WIPF1: variants seen among roughly 807,000 people sequenced by gnomAD.
WIPF1 encodes WAS/WASL interacting protein family member 1.
In WIPF1, 13 loss-of-function variants were observed where a neutral mutation model predicts 35.4. That is an observed-to-expected ratio of 0.37 (90% confidence interval 0.24 to 0.58). The LOEUF is 0.58. Ranked by LOEUF, WIPF1 falls within the 20% of genes least tolerant of loss-of-function variation. The pLI is 0.74. For synonymous variants in WIPF1, 267 were observed against 266.3 expected (o/e 1.00, Z -0.02); for missense variants, 591 against 667.0 (o/e 0.89, Z 1.25).
At chr2:174,639,717 G>A (rs1407028909) in intron 1 of WIPF1, among the ~76,000 whole-genome samples, 1 of 152,140 alleles carries the variant, frequency 6.6e-6, no homozygotes, top group African/African-American at 2.4e-5. Context: ...TTAGCTTGAT[G>A]TATTCCCATT....
At chr2:174,630,787 T>G (rs1389018117) in intron 1 of WIPF1, 1 of 152,194 alleles carries the variant, frequency 6.6e-6, no homozygotes, top group African/African-American at 2.4e-5. Context: ...CAGCACTGTG[T>G]CAGGCCGTCT....
At chr2:174,581,460 C>A in intron 2 of WIPF1, 21 bp from the exon 3 acceptor site, 2 of 1,611,506 alleles carry the variant, frequency 1.2e-6, no homozygotes, top group Non-Finnish European at 1.7e-6. Flanking sequence ...GCCATACAAA[C>A]AAGTAGTCAT....
chr2:174,636,961 A>G (rs1435151315), intron 1 of WIPF1, among the ~76,000 whole-genome samples: 1 of 152,120 alleles, frequency 6.6e-6, no homozygotes, highest in Non-Finnish European at 1.5e-5. Flanking sequence ...GCTTCTCCCC[A>G]CCTTTCCATA....
In WIPF1 at chr2:174,562,149, G is replaced by A; in HGVS notation, c.*398C>T. ...GTCTGTGGTTCATAGAAACAGAGAG[G>A]AGGCCAAGCATGCGAAAAAGGAACG... On this transcript the variant is annotated 3_prime_UTR_variant, in exon 8 of 8. Coordinates refer to ENST00000679041, the MANE Select transcript of WIPF1 (RefSeq NM_001375834.1). The A allele has an allele frequency of 1.3e-6, 2 of 1,550,530 alleles. No homozygotes were observed. Among genetic ancestry groups the A allele is most frequent in the Non-Finnish European group, 1.7e-6 (2 of 1,146,992 alleles).
chr2:174,582,823 T>G (rs1315276157), intron 2 of WIPF1, among the ~76,000 whole-genome samples: 1 of 152,234 alleles, frequency 6.6e-6, no homozygotes, highest in Non-Finnish European at 1.5e-5. Flanking sequence ...GGAAGCATCT[T>G]GAAATAACTA....
intron 1 of WIPF1, among the ~76,000 whole-genome samples, chr2:174,673,968 T>C (rs1688075714): frequency 1.3e-5 from 2 of 152,244 alleles, no homozygotes; most frequent in South Asian, 4.1e-4. Context: ...ATTATTATTC[T>C]GGGCTGCACA....
At chr2:174,585,302 C>T (rs1685370596) in intron 2 of WIPF1, among the ~76,000 whole-genome samples, 1 of 152,216 alleles carries the variant, frequency 6.6e-6, no homozygotes, top group South Asian at 2.1e-4. Flanking sequence ...ACATTCCACC[C>T]TTGTACTATC....
intron 1 of WIPF1, among the ~76,000 whole-genome samples, chr2:174,595,109 A>AAT (rs1158052520): frequency 2.4e-3 from 140 of 57,730 alleles, no homozygotes; most frequent in African/African-American, 5.8e-3. Context: ...AAAAAAAAAA[A>AAT]ATATATATAT....
In WIPF1 at chr2:174,571,619, T is replaced by C. The variant is rs1684842268; in HGVS notation, c.1129+57A>G. On this transcript the variant is annotated intron_variant, in intron 5 of 7. Transcript: ENST00000679041. This position sits in a 1 kb window ranked among gnomAD's most constrained non-coding sequence, Gnocchi z 4.6. ...TAGACTATCTTGACTGACAGGATTA[T>C]TGGTACATTTGGGCAGGCTGGGTTT... 2 of 1,607,094 alleles carry C rather than the reference T, an allele frequency of 1.2e-6. No homozygotes were observed. The highest frequency in any genetic ancestry group is 1.7e-6 in the Non-Finnish European group (2 of 1,173,836).
chr2:174,638,523 T>C (rs1356947702), intron 1 of WIPF1, among the ~76,000 whole-genome samples: 1 of 152,138 alleles, frequency 6.6e-6, no homozygotes, highest in Non-Finnish European at 1.5e-5. Context: ...AATTGTAACT[T>C]TGTACCTGTT....
chr2:174,682,644 C>T (rs1373178705), intron 1 of WIPF1: 1 of 151,776 alleles, frequency 6.6e-6, no homozygotes, highest in Non-Finnish European at 1.5e-5. Context: ...CGTCCCCAGC[C>T]GCCCCACCCG....
intron 1 of WIPF1, among the ~76,000 whole-genome samples, chr2:174,642,847 CTT>C (rs1447143683): frequency 1.3e-5 from 2 of 149,406 alleles, no homozygotes; most frequent in Admixed American, 1.3e-4. Flanking sequence ...CTTTTCCCCA[CTT>C]TGTTTTGCTT....
At chr2:174,610,276 C>T (rs1469733444) in intron 1 of WIPF1, among the ~76,000 whole-genome samples, 1 of 152,190 alleles carries the variant, frequency 6.6e-6, no homozygotes, top group African/African-American at 2.4e-5. Flanking sequence ...CAGTTCCCCA[C>T]CATTTTGTGT....
In WIPF1 at chr2:174,581,296, C is replaced by CT. The variant is rs1685233844; in HGVS notation, c.181+13dup. On this transcript the variant is annotated intron_variant, in intron 3 of 7. Coordinates refer to ENST00000679041, the MANE Select transcript of WIPF1 (RefSeq NM_001375834.1). The stretch of plus-strand genomic sequence containing the variant: ...ACTGTTCCTCTCCATGGTAGATAGC[C>CT]TTTTTTTACTTACTGTCCAGTATTG... 1.1e-5 allele frequency: 17 copies of CT among 1,613,420 alleles called. No individual in the cohort carries two copies. The highest frequency in any genetic ancestry group is 1.7e-5 in the Admixed American group (1 of 59,950).
chr2:174,560,562 C>T lies in WIPF1; in HGVS notation c.*1985G>A, dbSNP rs933426518. 6.6e-6 allele frequency: 1 copy of T among 152,484 alleles called. No homozygotes were observed. The highest frequency in any genetic ancestry group is 2.4e-5 in the African/African-American group (1 of 41,418). 9.4% of individuals were successfully genotyped at this position (152,484 alleles called of 1,614,324 possible). ...ATGATGCTGCTAAATTACCAAACTGCTAGAGATTAAAAAAATTTTTTTTTA... is the reference window on the plus strand; with the variant it reads ...ATGATGCTGCTAAATTACCAAACTGTTAGAGATTAAAAAAATTTTTTTTTA... On this transcript the variant is annotated 3_prime_UTR_variant, in exon 8 of 8. Coordinates refer to ENST00000679041, the MANE Select transcript of WIPF1 (RefSeq NM_001375834.1).
At chr2:174,608,860 T>C (rs1686255457) in intron 1 of WIPF1, among the ~76,000 whole-genome samples, 1 of 152,220 alleles carries the variant, frequency 6.6e-6, no homozygotes. Context: ...AAATGGCTAC[T>C]CAGTATCACC....
chr2:174,564,507 C>G (rs1333818377), intron 7 of WIPF1, among the ~76,000 whole-genome samples: 1 of 152,044 alleles, frequency 6.6e-6, no homozygotes, highest in Non-Finnish European at 1.5e-5. Context: ...GTTTCAGGCT[C>G]TGTGCCCCTC....
At chr2:174,594,458 T>C (rs900206448) in intron 1 of WIPF1, among the ~76,000 whole-genome samples, 16 of 152,104 alleles carry the variant, frequency 1.1e-4, no homozygotes, top group African/African-American at 3.6e-4. Flanking sequence ...CTTTTAATAG[T>C]GAGAAAATGA....
At chr2:174,595,373 T>C (rs1345436054) in intron 1 of WIPF1, among the ~76,000 whole-genome samples, 2 of 151,266 alleles carry the variant, frequency 1.3e-5, no homozygotes, top group Non-Finnish European at 2.9e-5. Context: ...GCTGCACTTG[T>C]GAAAAAAAGC....
Sources: allele counts gnomAD v4.1 joint callset (sites outside exome capture counted in the v4.1 genomes callset), GRCh38; gene constraint gnomAD v4.1.1; non-coding constraint Gnocchi (gnomAD v3.1); transcripts MANE v1.5; gene names NCBI Gene and HGNC (gene_info 2026-07-23, HGNC 2026-07-21).